The following HHIPL1 variants were observed in gnomAD, a reference collection of about 807,000 sequenced individuals.
The protein encoded by HHIPL1 is HHIP-like protein 1.
Under a neutral mutation model 61.8 loss-of-function variants are expected in HHIPL1, and 43 were observed. The ratio of observed to expected loss-of-function variants is 0.70; its 90% CI spans 0.55 to 0.90. HHIPL1 has a LOEUF of 0.90. HHIPL1 is among the 40% of genes least tolerant of loss of function. The pLI is 0.00. For missense variants in HHIPL1, 1,056 were observed against 1,157.7 expected (o/e 0.91, Z 1.28); for synonymous variants, 482 against 515.8 (o/e 0.93, Z 0.89).
chr14:99,637,645 T>A, the HHIPL1 span, among the ~76,000 whole-genome samples: 1 of 152,194 alleles, frequency 6.6e-6, no homozygotes, highest in African/African-American at 2.4e-5. Flanking sequence ...TGCCAGATGC[T>A]GATCTGTCTT....
In HHIPL1 at chr14:99,678,477, G is replaced by A. The variant is rs1031741492; in HGVS notation, c.*2851G>A. The A allele has an allele frequency of 6.6e-6, 1 of 152,250 alleles. No individual in the cohort carries two copies. The highest frequency in any genetic ancestry group is 2.1e-4 in the South Asian group (1 of 4,832). The allele number at this position is 152,250 out of a possible 1,614,324, so 9.4% of individuals were successfully genotyped here. ...TGAGAGGACACCTGAACAAAGGAGGGAAGCAATTGTTAGCCCTTATGCAGT... is the reference window on the plus strand; with the variant it reads ...TGAGAGGACACCTGAACAAAGGAGGAAAGCAATTGTTAGCCCTTATGCAGT... On this transcript the variant is annotated 3_prime_UTR_variant, in exon 9 of 9. Transcript: ENST00000330710.
In HHIPL1 at chr14:99,660,862, C is replaced by T. The variant is rs1178614806; in HGVS notation, c.1502+456C>T. On this transcript the variant is annotated intron_variant, in intron 5 of 8. Transcript: ENST00000330710. The surrounding 1 kb of genome is among the most constrained non-coding windows in gnomAD (Gnocchi z 4.9). ...CTGCCCCACCCCACCCCAGCCAGGA[C>T]TGCAGGGAGCTTGCAAAGGTTGAGA... Among the ~76,000 whole-genome samples the T allele has an allele frequency of 6.6e-6, 1 of 152,220 alleles. No individual in the cohort carries two copies. Among genetic ancestry groups the T allele is most frequent in the Non-Finnish European group, 1.5e-5 (1 of 68,038 alleles).
chr14:99,672,264 C>A, intron 7 of HHIPL1, 53 bp from the exon 8 acceptor site: 2 of 1,481,132 alleles, frequency 1.4e-6, no homozygotes, highest in South Asian at 1.2e-5. Flanking sequence ...AAAAGGCACC[C>A]TCAGGGTGGG....
At position 99,675,066 on chromosome 14, in the gene HHIPL1, G is replaced by T; in HGVS notation, c.1814-25G>T. The T allele has an allele frequency of 1.8e-6, 2 of 1,133,138 alleles. No homozygotes were observed. Among genetic ancestry groups the T allele is most frequent in the South Asian group, 6.4e-5 (2 of 31,214 alleles). 70.2% of individuals were successfully genotyped at this position (1,133,138 alleles called of 1,614,324 possible). A position where few individuals can be genotyped will look rare whatever the true frequency, so the allele number is the denominator to read the frequency against. On this transcript the variant is annotated intron_variant, in intron 8 of 8. Coordinates refer to ENST00000330710, the MANE Select transcript of HHIPL1 (RefSeq NM_001127258.3). This position sits in a 1 kb window ranked among gnomAD's most constrained non-coding sequence, Gnocchi z 5.4. ...TGGACAGGGGCGCCTGGGTCCCTCT[G>T]ACGGCATACTCTTCCTCTGCGCAGA...
chr14:99,642,132 G>T (rs1468578758), upstream of HHIPL1, among the ~76,000 whole-genome samples: 1 of 151,618 alleles, frequency 6.6e-6, no homozygotes, highest in African/African-American at 2.4e-5. Context: ...TAGAGACGAG[G>T]TTTCTCCACG....
chr14:99,670,114 CTT>C (rs766131828), intron 7 of HHIPL1, among the ~76,000 whole-genome samples: 13 of 144,304 alleles, frequency 9.0e-5, no homozygotes, highest in Admixed American at 1.4e-4. Context: ...CAGTCTTTTA[CTT>C]TTTTTTTTTT....
chr14:99,604,775 C>T, the HHIPL1 span, among the ~76,000 whole-genome samples: 4 of 152,154 alleles, frequency 2.6e-5, no homozygotes, highest in Admixed American at 2.6e-4. Context: ...GACGGCGCCC[C>T]TTCTCCCTCC....
chr14:99,618,979 G>A, the HHIPL1 span, among the ~76,000 whole-genome samples: 1 of 152,178 alleles, frequency 6.6e-6, no homozygotes, highest in Non-Finnish European at 1.5e-5. Context: ...CTGGGCACTG[G>A]GATGTACTCA....
intron 7 of HHIPL1, 96 bp from the exon 8 acceptor site, chr14:99,672,221 A>G (rs941593048): frequency 3.4e-6 from 3 of 882,106 alleles, no homozygotes; most frequent in African/African-American, 1.7e-5. Flanking sequence ...GCCTGTTACT[A>G]TCGTTGCTGT....
rs774984483 is a variant in HHIPL1, at chr14:99,675,314, G to C, written c.2037G>C (p.Ala679=). The part of the protein sequence containing the change: ...RDGEVRLVRP[A]GLSSGSGRVE... ...GCGAGGTGCGCCTGGTGCGGCCCGC[G>C]GGCCTGAGCTCTGGCAGCGGGCGCG... The change falls in exon 9 of 9, where the codon GCG becomes GCC. Residue 679 remains alanine, a synonymous_variant. Coordinates refer to ENST00000330710, the MANE Select transcript of HHIPL1 (RefSeq NM_001127258.3). This position sits in a 1 kb window ranked among gnomAD's most constrained non-coding sequence, Gnocchi z 5.4. 7.4e-7 allele frequency: 1 copy of C among 1,353,232 alleles called. No homozygotes were observed. The highest frequency in any genetic ancestry group is 1.5e-5 in the African/African-American group (1 of 65,710). The allele number at this position is 1,353,232 out of a possible 1,614,324, so 83.8% of individuals were successfully genotyped here.
chr14:99,614,602 G>A, the HHIPL1 span, among the ~76,000 whole-genome samples: 1 of 152,190 alleles, frequency 6.6e-6, no homozygotes, highest in Admixed American at 6.5e-5. Context: ...AGCCAGATCT[G>A]CTCTGAGCTA....
chr14:99,609,660 C>A, the HHIPL1 span, among the ~76,000 whole-genome samples: 1 of 152,330 alleles, frequency 6.6e-6, no homozygotes, highest in South Asian at 2.1e-4. Context: ...CATGCTGGAC[C>A]GCCAGGGGCA....
the HHIPL1 span, among the ~76,000 whole-genome samples, chr14:99,628,455 T>G: frequency 9.9e-5 from 15 of 151,470 alleles, no homozygotes; most frequent in East Asian, 2.9e-3. Context: ...GTGGCGGGCA[T>G]CTGTAATCCC....
At position 99,659,299 on chromosome 14, in the gene HHIPL1, G is replaced by A. The variant is rs572806889; in HGVS notation, c.1047-129G>A. The A allele has an allele frequency of 8.5e-5, 56 of 656,198 alleles. No individual in the cohort carries two copies. In the South Asian group the frequency reaches 1.3e-3, roughly 16 times the overall value. 40.6% of individuals were successfully genotyped at this position (656,198 alleles called of 1,614,324 possible). A position where few individuals can be genotyped will look rare whatever the true frequency, so the allele number is the denominator to read the frequency against. ...GGCGGACAGCATCCCAGGGTCTCTG[G>A]CCCCACAGCCTAGGCTCACCCTGCA... is the stretch of plus-strand genomic sequence containing the variant. On this transcript the variant is annotated intron_variant, in intron 3 of 8. Transcript: ENST00000330710.
At chr14:99,627,914 C>T in the HHIPL1 span, among the ~76,000 whole-genome samples, 1 of 152,062 alleles carries the variant, frequency 6.6e-6, no homozygotes, top group Non-Finnish European at 1.5e-5. The surrounding 1 kb of genome is among the most constrained non-coding windows in gnomAD (Gnocchi z 4.4). Flanking sequence ...AGGAAAGGCC[C>T]CCGAGGAGGA....
intron 2 of HHIPL1, among the ~76,000 whole-genome samples, chr14:99,654,010 G>A (rs1437632943): frequency 7.9e-5 from 12 of 152,036 alleles, no homozygotes; most frequent in African/African-American, 1.9e-4. Flanking sequence ...CCAACATGGC[G>A]AAACCCTGTC....
At chr14:99,622,150 G>A in the HHIPL1 span, among the ~76,000 whole-genome samples, 55 of 152,278 alleles carry the variant, frequency 3.6e-4, no homozygotes, top group East Asian at 9.6e-3. Flanking sequence ...CCCTTCTGTT[G>A]GTTTCAGTCT....
the HHIPL1 span, among the ~76,000 whole-genome samples, chr14:99,605,385 G>GCC: frequency 7.9e-6 from 1 of 126,348 alleles, no homozygotes; most frequent in Non-Finnish European, 1.8e-5. Context: ...GGCGGGGCGG[G>GCC]GCGGGGGGGG....
At position 99,652,501 on chromosome 14, in the gene HHIPL1, C is replaced by A. The variant is rs757871565; in HGVS notation, c.533C>A (p.Ala178Asp). ...NSNLGHVVADAKGCLQLCLEE... is the reference protein window; with the variant it reads ...NSNLGHVVADDKGCLQLCLEE... ...AACCTGGGCCACGTGGTAGCCGATG[C>A]CAAGGGCTGCCTGCAGCTGTGCCTG... Residue 178 changes from alanine to aspartate, a missense_variant, in exon 2 of 9, where the codon GCC (alanine) becomes GAC (aspartate). Transcript: ENST00000330710. The A allele has an allele frequency of 6.2e-7, 1 of 1,613,666 alleles. No homozygotes were observed. Among genetic ancestry groups the A allele is most frequent in the Non-Finnish European group, 8.5e-7 (1 of 1,180,042 alleles).
Sources: allele counts gnomAD v4.1 joint callset (sites outside exome capture counted in the v4.1 genomes callset), GRCh38; gene constraint gnomAD v4.1.1; non-coding constraint Gnocchi (gnomAD v3.1); transcripts MANE v1.5; gene names NCBI Gene and HGNC (gene_info 2026-07-23, HGNC 2026-07-21).